The following SORCS3 variants were observed in gnomAD, a reference collection of about 807,000 sequenced individuals.
SORCS3 encodes the protein sortilin related VPS10 domain containing receptor 3, also known as VPS10 domain-containing receptor SorCS3.
SORCS3 carries 57 observed loss-of-function variants against 146.3 expected under a neutral mutation model. That is an observed-to-expected ratio of 0.39 (90% CI 0.31 to 0.49). The LOEUF (loss-of-function observed/expected upper bound fraction) is 0.49. SORCS3 is among the 20% of genes least tolerant of loss of function. The pLI is 0.92. For missense variants in SORCS3, 1,341 were observed against 1,575.5 expected, an observed-to-expected ratio of 0.85 and a Z score of 2.52; for synonymous variants, 653 against 618.5, an observed-to-expected ratio of 1.06 and a Z score of -0.83.
At chr10:104,795,745 G>T (rs2017547747) in intron 1 of SORCS3, among the ~76,000 whole-genome samples, 1 of 152,230 alleles carries the variant, frequency 6.6e-6, no homozygotes, top group African/African-American at 2.4e-5. Flanking sequence ...GACCAGAGAT[G>T]ATGGGAGCTG....
intron 3 of SORCS3, among the ~76,000 whole-genome samples, chr10:104,937,259 G>A (rs1183980572): frequency 6.6e-6 from 1 of 152,174 alleles, no homozygotes; most frequent in Non-Finnish European, 1.5e-5. Context: ...GTTCCTAACA[G>A]GCCACTGACC....
At chr10:105,145,230 A>G (rs1423200534) in intron 8 of SORCS3, among the ~76,000 whole-genome samples, 1 of 152,138 alleles carries the variant, frequency 6.6e-6, no homozygotes, top group Non-Finnish European at 1.5e-5. Context: ...CTTGGTTAAG[A>G]TTAGGTTTAA....
intron 2 of SORCS3, among the ~76,000 whole-genome samples, chr10:104,866,581 C>A (rs1439846289): frequency 6.6e-6 from 1 of 152,132 alleles, no homozygotes; most frequent in Non-Finnish European, 1.5e-5. Flanking sequence ...AATTATGTAA[C>A]CTCTTTCATC....
At chr10:104,929,079 A>G (rs1031226725) in intron 3 of SORCS3, among the ~76,000 whole-genome samples, 5 of 152,186 alleles carry the variant, frequency 3.3e-5, no homozygotes, top group Admixed American at 1.3e-4. Flanking sequence ...CCAGGGCCCA[A>G]TGAGGTAGTG....
chr10:104,779,969 G>C (rs1461222070), intron 1 of SORCS3, among the ~76,000 whole-genome samples: 1 of 152,128 alleles, frequency 6.6e-6, no homozygotes, highest in Non-Finnish European at 1.5e-5. Flanking sequence ...TTCATCCGAG[G>C]GAGGCTTGAC....
intron 18 of SORCS3, among the ~76,000 whole-genome samples, chr10:105,216,436 G>C (rs2119654016): frequency 6.6e-6 from 1 of 152,150 alleles, no homozygotes; most frequent in South Asian, 2.1e-4. Flanking sequence ...TGGTCTTCCT[G>C]TACTCACTAT....
intron 1 of SORCS3, among the ~76,000 whole-genome samples, chr10:104,723,289 T>C (rs1357646381): frequency 2.0e-5 from 3 of 152,198 alleles, no homozygotes; most frequent in African/African-American, 7.2e-5. Flanking sequence ...TTGAGCAGTT[T>C]TGAGAGAGTT....
chr10:105,242,579 T>G (rs2056836535), intron 20 of SORCS3, among the ~76,000 whole-genome samples: 1 of 20,936 alleles, frequency 4.8e-5, no homozygotes, highest in South Asian at 1.1e-3. Flanking sequence ...TTTATATATT[T>G]ATATATATTT....
chr10:104,940,153 C>T (rs1252244603), intron 3 of SORCS3, among the ~76,000 whole-genome samples: 7 of 140,914 alleles, frequency 5.0e-5, no homozygotes, highest in Middle Eastern at 4.1e-3. Context: ...ATGACTTTTC[C>T]AGGAAAGGGG....
intron 1 of SORCS3, among the ~76,000 whole-genome samples, chr10:104,833,927 C>G (rs1482741083): frequency 1.3e-5 from 2 of 152,236 alleles, no homozygotes; most frequent in Admixed American, 1.3e-4. Flanking sequence ...CTTCTTCTCT[C>G]ACAGTCCTCG....
chr10:104,788,083 T>A lies in SORCS3; in HGVS notation c.628-54709T>A, dbSNP rs146866631. Reference sequence around the variant, plus strand: ...AGATTGGCCTAGAGAGGGAGGCTTTTATTTAATTTAATTTTGCTGAGAACT... The same window carrying A: ...AGATTGGCCTAGAGAGGGAGGCTTTAATTTAATTTAATTTTGCTGAGAACT... On this transcript the variant is annotated intron_variant, in intron 1 of 26. Coordinates refer to ENST00000369701, the MANE Select transcript of SORCS3 (RefSeq NM_014978.3). Among the ~76,000 whole-genome samples, 749 of 152,318 alleles carry A rather than the reference T, an allele frequency of 4.9e-3. 4 individuals are homozygous for A. Among genetic ancestry groups the A allele is most frequent in the African/African-American group, 0.017 (698 of 41,558 alleles).
intron 5 of SORCS3, among the ~76,000 whole-genome samples, chr10:105,071,602 G>C (rs562061093): frequency 6.6e-6 from 1 of 152,162 alleles, no homozygotes; most frequent in East Asian, 1.9e-4. Flanking sequence ...ACAGGCATGC[G>C]ATGTGAAATA....
chr10:104,826,477 A>G (rs1438139026), intron 1 of SORCS3, among the ~76,000 whole-genome samples: 1 of 152,222 alleles, frequency 6.6e-6, no homozygotes, highest in Non-Finnish European at 1.5e-5. Context: ...TGGTTGCCCC[A>G]TGCACATAAA....
At chr10:105,061,646 C>A (rs2055487978) in intron 5 of SORCS3, among the ~76,000 whole-genome samples, 1 of 82,882 alleles carries the variant, frequency 1.2e-5, no homozygotes, top group African/African-American at 5.6e-5. Context: ...GAGCGAGACC[C>A]TATCTCAAAA....
chr10:104,953,638 A>G lies in SORCS3; in HGVS notation c.796-23697A>G, dbSNP rs1232165276. ...TTAGAAAGGGGACTGCATTTGTTACATGTCCTCCACTGTGTGTTGGGATAG... is the reference window on the plus strand; with the variant it reads ...TTAGAAAGGGGACTGCATTTGTTACGTGTCCTCCACTGTGTGTTGGGATAG... On this transcript the variant is annotated intron_variant, in intron 3 of 26. Transcript: ENST00000369701. Among the ~76,000 whole-genome samples the G allele has an allele frequency of 3.3e-5, 5 of 152,314 alleles. No individual in the cohort carries two copies. The East Asian group carries it at 7.7e-4, about 24-fold the overall frequency.
intron 1 of SORCS3, among the ~76,000 whole-genome samples, chr10:104,815,196 A>G (rs1217681075): frequency 6.6e-6 from 1 of 152,186 alleles, no homozygotes; most frequent in Non-Finnish European, 1.5e-5. Flanking sequence ...GCGGTGGCTG[A>G]TGCCTCTAAT....
chr10:104,844,977 T>C (rs1449086225), intron 2 of SORCS3, among the ~76,000 whole-genome samples: 1 of 152,240 alleles, frequency 6.6e-6, no homozygotes, highest in Non-Finnish European at 1.5e-5. Flanking sequence ...TTTCTCTGCA[T>C]ATAAATTGGG....
chr10:105,085,109 T>C (rs1457229317), intron 5 of SORCS3, among the ~76,000 whole-genome samples: 1 of 152,214 alleles, frequency 6.6e-6, no homozygotes, highest in African/African-American at 2.4e-5. Context: ...GAGACATTTT[T>C]GGTTGCCACA....
intron 6 of SORCS3, among the ~76,000 whole-genome samples, chr10:105,097,589 C>T (rs2055755452): frequency 6.6e-6 from 1 of 152,192 alleles, no homozygotes; most frequent in East Asian, 1.9e-4. Context: ...TCTTAGCCTT[C>T]CTGTGATCCC....
Sources: gnomAD v4.1 joint callset for allele counts (sites outside exome capture counted in the v4.1 genomes callset) on GRCh38, gnomAD v4.1.1 for gene constraint, MANE v1.5 for transcripts, NCBI Gene and HGNC (gene_info 2026-07-23, HGNC 2026-07-21) for gene names.